Variants in EYS observed in about 807,000 individuals in gnomAD.
EYS encodes the protein protein eyes shut homolog.
A neutral mutation model predicts 282.1 loss-of-function variants in EYS; 250 were observed. That is an observed-to-expected ratio of 0.89 (90% CI 0.80 to 0.98). The LOEUF (loss-of-function observed/expected upper bound fraction) is 0.98, where lower values mean the gene tolerates loss of function less well. Among genes scored for constraint, EYS ranks in the 50% least tolerant of loss-of-function variants. The pLI is 0.00. For missense variants in EYS, 4,016 were observed against 3,709.0 expected, an observed-to-expected ratio of 1.08 and a Z score of -2.15; for synonymous variants, 1,355 against 1,282.9, an observed-to-expected ratio of 1.06 and a Z score of -1.20.
intron 12 of EYS, among the ~76,000 whole-genome samples, chr6:65,140,453 G>A (rs1408800613): frequency 6.6e-6 from 1 of 151,914 alleles, no homozygotes; most frequent in Non-Finnish European, 1.5e-5. Flanking sequence ...AGAAACTTGA[G>A]GGGGAAGTTT....
chr6:65,217,736 G>C (rs1053997055), intron 12 of EYS, among the ~76,000 whole-genome samples: 92 of 152,202 alleles, frequency 6.0e-4, no homozygotes, highest in African/African-American at 2.1e-3. Flanking sequence ...CATGGAGCTA[G>C]GGATGTCAAA....
chr6:64,616,751 A>G (rs567912709), intron 24 of EYS, among the ~76,000 whole-genome samples: 46 of 152,162 alleles, frequency 3.0e-4, no homozygotes, highest in African/African-American at 1.1e-3. Flanking sequence ...ACCTGACTAT[A>G]CCCCATCTCT....
chr6:64,451,185 T>A (rs906840774), intron 26 of EYS, among the ~76,000 whole-genome samples: 2 of 152,054 alleles, frequency 1.3e-5, no homozygotes, highest in Admixed American at 6.6e-5. Context: ...ATATCACCAC[T>A]GATCCCACAG....
chr6:65,214,041 C>T (rs914848933), intron 12 of EYS, among the ~76,000 whole-genome samples: 35 of 151,340 alleles, frequency 2.3e-4, no homozygotes, highest in Non-Finnish European at 4.0e-4. Context: ...TGCCTGTAGT[C>T]CCAGCTACTC....
chr6:64,658,056 T>G lies in EYS; in HGVS notation c.3444-31811A>C, dbSNP rs186507344. 2.6e-4 allele frequency among the ~76,000 whole-genome samples: 40 copies of G among 152,282 alleles called. No individual in the cohort carries two copies. In the East Asian group the frequency reaches 7.3e-3, roughly 28 times the overall value. ...TTTCTGGGAGGCTTTGTTCACTTCTTTTTACTCTTTTTCCTCTAAACTTCT... is the reference window on the plus strand; with the variant it reads ...TTTCTGGGAGGCTTTGTTCACTTCTGTTTACTCTTTTTCCTCTAAACTTCT... On this transcript the variant is annotated intron_variant, in intron 22 of 42. Coordinates refer to ENST00000503581, the MANE Select transcript of EYS (RefSeq NM_001142800.2).
intron 28 of EYS, among the ~76,000 whole-genome samples, chr6:64,406,936 G>T: frequency 6.6e-6 from 1 of 152,152 alleles, no homozygotes; most frequent in South Asian, 2.1e-4. Context: ...TGACCCAGCA[G>T]TCCCATTACT....
At chr6:65,126,198 G>T (rs561347917) in intron 12 of EYS, among the ~76,000 whole-genome samples, 1 of 152,094 alleles carries the variant, frequency 6.6e-6, no homozygotes, top group Admixed American at 6.6e-5. Context: ...TTCATTTAAA[G>T]TCTTGCTTTA....
At position 63,973,861 on chromosome 6, in the gene EYS, A is replaced by C. The variant is rs553786561; in HGVS notation, c.7055+10522T>G. Among the ~76,000 whole-genome samples the C allele has an allele frequency of 5.9e-5, 9 of 152,230 alleles. No individual in the cohort carries two copies. The South Asian group carries it at 1.9e-3, about 32-fold the overall frequency. On this transcript the variant is annotated intron_variant, in intron 35 of 42. Transcript: ENST00000503581. ...TTAAGTTTTGGCTTCAAATCACTCA[A>C]GGTTTAGGTAGGCAGGTGGGAACAA...
intron 29 of EYS, among the ~76,000 whole-genome samples, chr6:64,324,644 A>G (rs544596231): frequency 6.6e-6 from 1 of 152,324 alleles, no homozygotes; most frequent in East Asian, 1.9e-4. Flanking sequence ...GAAATAAATT[A>G]AATGCATCCA....
intron 22 of EYS, among the ~76,000 whole-genome samples, chr6:64,765,075 T>C (rs932741063): frequency 6.6e-6 from 1 of 152,112 alleles, no homozygotes; most frequent in African/African-American, 2.4e-5. Flanking sequence ...TTTCAGATAA[T>C]CTCTTTGTTC....
chr6:64,473,067 T>C (rs1166592447), intron 26 of EYS, among the ~76,000 whole-genome samples: 1 of 152,218 alleles, frequency 6.6e-6, no homozygotes, highest in African/African-American at 2.4e-5. Flanking sequence ...ATCCAGCATT[T>C]ATTAGTCAAC....
At chr6:64,243,080 T>C (rs933401047) in intron 30 of EYS, among the ~76,000 whole-genome samples, 20 of 148,164 alleles carry the variant, frequency 1.3e-4, no homozygotes, top group Non-Finnish European at 2.8e-4. Context: ...AAATTATATA[T>C]TTACATATAT....
intron 2 of EYS, among the ~76,000 whole-genome samples, chr6:65,521,205 C>A (rs1450596609): frequency 6.6e-6 from 1 of 152,106 alleles, no homozygotes; most frequent in African/African-American, 2.4e-5. Flanking sequence ...TAGAGAATGA[C>A]CATCTGCTCA....
intron 13 of EYS, among the ~76,000 whole-genome samples, chr6:65,008,264 C>A (rs936446205): frequency 3.9e-5 from 6 of 152,136 alleles, no homozygotes; most frequent in African/African-American, 1.4e-4. Flanking sequence ...AGGAAGCATA[C>A]CTCTCTCACC....
intron 13 of EYS, among the ~76,000 whole-genome samples, chr6:65,034,442 A>G (rs532932878): frequency 1.3e-5 from 2 of 152,262 alleles, no homozygotes; most frequent in Non-Finnish European, 2.9e-5. Context: ...ATTGCTGGAA[A>G]TGGGGCCTGG....
At chr6:65,045,493 G>A (rs143220471) in intron 13 of EYS, among the ~76,000 whole-genome samples, 19 of 151,870 alleles carry the variant, frequency 1.3e-4, no homozygotes, top group African/African-American at 3.9e-4. Flanking sequence ...AAAACCTCTC[G>A]AATAATTTCT....
intron 11 of EYS, among the ~76,000 whole-genome samples, chr6:65,323,872 T>A (rs1325209204): frequency 2.1e-4 from 32 of 150,434 alleles, no homozygotes; most frequent in African/African-American, 7.8e-4. Context: ...TTCACTGGCA[T>A]ATCCCTCAGG....
chr6:64,313,586 T>G (rs1261778274), intron 29 of EYS, among the ~76,000 whole-genome samples: 1 of 152,086 alleles, frequency 6.6e-6, no homozygotes, highest in African/African-American at 2.4e-5. Context: ...AATTGTCAGA[T>G]TCACCAAGGT....
intron 5 of EYS, among the ~76,000 whole-genome samples, chr6:65,482,353 G>A (rs1415425022): frequency 6.6e-6 from 1 of 152,118 alleles, no homozygotes; most frequent in Non-Finnish European, 1.5e-5. Flanking sequence ...ATCAGCTCAT[G>A]TGACTCCATT....
Sources: gnomAD v4.1 joint callset for allele counts (sites outside exome capture counted in the v4.1 genomes callset) on GRCh38, gnomAD v4.1.1 for gene constraint, MANE v1.5 for transcripts, NCBI Gene and HGNC (gene_info 2026-07-23, HGNC 2026-07-21) for gene names.